GNAS: variants seen among roughly 807,000 people sequenced by gnomAD.
GNAS encodes the protein protein ALEX.
A neutral mutation model predicts 54.5 loss-of-function variants in GNAS; 8 were observed. That is an observed-to-expected ratio of 0.15 (90% CI 0.09 to 0.26). GNAS has a LOEUF of 0.26. Ranked by LOEUF, GNAS falls within the 10% of genes least tolerant of loss-of-function variation. The pLI is 1.00. For missense variants in GNAS, 170 were observed against 529.8 expected (o/e 0.32, Z 6.67); for synonymous variants, 204 against 191.4 (o/e 1.07, Z -0.54).
At chr20:58,854,237 C>A in intron 1 of GNAS, 1 of 1,613,286 alleles carries the variant, frequency 6.2e-7, no homozygotes, top group African/African-American at 1.3e-5. Context: ...CTCCCGTCAA[C>A]ATGGACAGCC....
rs1470916214 is a variant in GNAS at position 58,853,147 on chromosome 20, T to C, written c.43+12261T>C. The C allele has an allele frequency of 2.1e-6, 3 of 1,435,210 alleles. No homozygotes were observed. Among genetic ancestry groups the C allele is most frequent in the Non-Finnish European group, 2.7e-6 (3 of 1,099,216 alleles). 88.9% of individuals were successfully genotyped at this position (1,435,210 alleles called of 1,614,324 possible). Reference sequence around the variant, plus strand: ...CACAAGGGTTGGAAAGTGAGGCCGGTGAACTTTCCAGCTGGTACTTTGATT... The same window carrying C: ...CACAAGGGTTGGAAAGTGAGGCCGGCGAACTTTCCAGCTGGTACTTTGATT... On this transcript the variant is annotated intron_variant, in intron 1 of 12. Coordinates refer to the GNAS transcript ENST00000306090. The surrounding 1 kb of genome is among the most constrained non-coding windows in gnomAD (Gnocchi z 4.4).
chr20:58,858,065 A>G (rs1484672127), intron 1 of GNAS, among the ~76,000 whole-genome samples: 1 of 152,208 alleles, frequency 6.6e-6, no homozygotes, highest in African/African-American at 2.4e-5. Context: ...TTCCTTTTGC[A>G]GAGGTGACGT....
chr20:58,910,438 C>G lies in GNAS; in HGVS notation c.1038+37C>G, dbSNP rs763153763. 1.6e-5 allele frequency: 23 copies of G among 1,476,856 alleles called. No individual in the cohort carries two copies. The highest frequency in any genetic ancestry group is 1.2e-5 in the Non-Finnish European group (13 of 1,055,130). The allele number at this position is 1,476,856 out of a possible 1,614,324, so 91.5% of individuals were successfully genotyped here. ...CTGTCTTTAGTTTCCTCTCTTGTTC[C>G]TCCTCTTTTTCTCATGGATGTAAAT... On this transcript the variant is annotated intron_variant, in intron 12 of 12. Coordinates refer to ENST00000371085, the MANE Select transcript of GNAS (RefSeq NM_000516.7). This position sits in a 1 kb window ranked among gnomAD's most constrained non-coding sequence, Gnocchi z 5.8.
intron 1 of GNAS, among the ~76,000 whole-genome samples, chr20:58,862,683 T>A (rs1188157259): frequency 6.6e-6 from 1 of 151,860 alleles, no homozygotes; most frequent in Non-Finnish European, 1.5e-5. Flanking sequence ...TCAGAGTACA[T>A]TCTTTGTTTA....
At chr20:58,905,194 A>G (rs2090955082) in intron 5 of GNAS, among the ~76,000 whole-genome samples, 189 bp from the exon 6 acceptor site, 1 of 152,226 alleles carries the variant, frequency 6.6e-6, no homozygotes, top group African/African-American at 2.4e-5. Flanking sequence ...AATTGCGTGA[A>G]CTTTTGAATA....
intron 1 of GNAS, among the ~76,000 whole-genome samples, chr20:58,858,524 T>C (rs2086614369): frequency 6.6e-6 from 1 of 152,230 alleles, no homozygotes. Flanking sequence ...TTAAATAATT[T>C]TGGTGGCTTA....
intron 1 of GNAS, chr20:58,854,125 A>C: frequency 6.2e-7 from 1 of 1,612,386 alleles, no homozygotes; most frequent in Non-Finnish European, 8.5e-7. Context: ...CCATCCCAAG[A>C]GGCTGTCAGA....
chr20:58,840,608 T>C (rs2085680036), upstream of GNAS: 4 of 1,609,552 alleles, frequency 2.5e-6, no homozygotes, highest in East Asian at 2.2e-5. This position sits in a 1 kb window ranked among gnomAD's most constrained non-coding sequence, Gnocchi z 6.0. Context: ...CGCTCTCAAG[T>C]TGCGAAGCCC....
chr20:58,889,194 C>G (rs919544695), upstream of GNAS: 13 of 1,214,322 alleles, frequency 1.1e-5, no homozygotes, highest in Admixed American at 1.4e-4. Context: ...GCGTCGGCAC[C>G]GCGGAGCGGG....
At chr20:58,840,314 C>G, upstream of GNAS, 1 of 1,612,884 alleles carries the variant, frequency 6.2e-7, no homozygotes, top group Non-Finnish European at 8.5e-7. This position sits in a 1 kb window ranked among gnomAD's most constrained non-coding sequence, Gnocchi z 6.0. Flanking sequence ...CGCCCACCAC[C>G]GCTCCGGCGC....
upstream of GNAS, chr20:58,840,673 G>A: frequency 6.2e-7 from 1 of 1,604,912 alleles, no homozygotes. This position sits in a 1 kb window ranked among gnomAD's most constrained non-coding sequence, Gnocchi z 6.0. Flanking sequence ...AGAGCCCCAG[G>A]GAAGGGGAGG....
intron 6 of GNAS, among the ~76,000 whole-genome samples, chr20:58,906,716 G>A (rs1180940880): frequency 6.6e-6 from 1 of 152,106 alleles, no homozygotes; most frequent in Admixed American, 6.5e-5. Context: ...ATTTTTAGTA[G>A]AGATGGGGTT....
intron 6 of GNAS, among the ~76,000 whole-genome samples, chr20:58,908,177 G>A (rs1342169243): frequency 6.6e-6 from 1 of 151,946 alleles, no homozygotes; most frequent in Non-Finnish European, 1.5e-5. Flanking sequence ...TTCTTTTCTC[G>A]TTAGCCCGCT....
At chr20:58,895,002 G>A (rs2089908368) in intron 1 of GNAS, among the ~76,000 whole-genome samples, 1 of 152,148 alleles carries the variant, frequency 6.6e-6, no homozygotes, top group Admixed American at 6.6e-5. Context: ...TGGATAAGTG[G>A]ATAAAATGTA....
At chr20:58,883,685 G>A (rs1600888822) in intron 1 of GNAS, among the ~76,000 whole-genome samples, 1 of 152,144 alleles carries the variant, frequency 6.6e-6, no homozygotes, top group South Asian at 2.1e-4. Context: ...CTGAGTGGGA[G>A]AGCAGAGGGC....
intron 1 of GNAS, among the ~76,000 whole-genome samples, chr20:58,860,562 A>T (rs182328906): frequency 2.2e-4 from 34 of 152,018 alleles, no homozygotes; most frequent in South Asian, 6.2e-4. Flanking sequence ...ATTTTTTTTT[A>T]AAAGTATGCC....
intron 3 of GNAS, among the ~76,000 whole-genome samples, chr20:58,899,193 T>TA (rs1159082957): frequency 6.6e-6 from 1 of 152,232 alleles, no homozygotes; most frequent in South Asian, 2.1e-4. Context: ...TGGCCATGCT[T>TA]AAAGTAGAAT....
At chr20:58,860,861 C>T (rs2086746369) in intron 1 of GNAS, among the ~76,000 whole-genome samples, 2 of 152,168 alleles carry the variant, frequency 1.3e-5, no homozygotes, top group East Asian at 1.9e-4. Flanking sequence ...GGGGTTTCAC[C>T]ATGTTGGCCA....
chr20:58,841,539 G>C lies in GNAS; in HGVS notation c.43+653G>C. 1 of 995,424 alleles carries C rather than the reference G, an allele frequency of 1.0e-6. No individual in the cohort carries two copies. Among genetic ancestry groups the C allele is most frequent in the Non-Finnish European group, 1.2e-6 (1 of 837,050 alleles). The allele number at this position is 995,424 out of a possible 1,614,324, so 61.7% of individuals were successfully genotyped here. On this transcript the variant is annotated intron_variant, in intron 1 of 12. Transcript: ENST00000306090. The surrounding 1 kb of genome is among the most constrained non-coding windows in gnomAD (Gnocchi z 5.0). ...GCGCCAGTGCCTCCAGCTGCCGTGC[G>C]CCAGCCTTGGCCGCCACAGCCCGCC...
Sources: allele counts gnomAD v4.1 joint callset (sites outside exome capture counted in the v4.1 genomes callset), GRCh38; gene constraint gnomAD v4.1.1; non-coding constraint Gnocchi (gnomAD v3.1); transcripts MANE v1.5; gene names NCBI Gene and HGNC (gene_info 2026-07-23, HGNC 2026-07-21).